RBM4: variants seen among roughly 807,000 people sequenced by gnomAD.
RBM4 encodes RNA binding motif protein 4.
RBM4 carries 7 observed loss-of-function variants against 29.5 expected under a neutral mutation model. The ratio of observed to expected loss-of-function variants is 0.24; its 90% CI spans 0.14 to 0.45. The LOEUF (loss-of-function observed/expected upper bound fraction) is 0.45. Ranked by LOEUF, RBM4 falls within the 20% of genes least tolerant of loss-of-function variation. The pLI is 1.00. For synonymous variants in RBM4, 220 were observed against 205.4 expected (o/e 1.07, Z -0.61); for missense variants, 387 against 502.3 (o/e 0.77, Z 2.19).
At chr11:66,663,387 T>C (rs558662753) in intron 2 of RBM4, among the ~76,000 whole-genome samples, 6 of 152,198 alleles carry the variant, frequency 3.9e-5, no homozygotes, top group Non-Finnish European at 8.8e-5. Context: ...TTTTTTGAGA[T>C]GGAGTCTCGC....
At chr11:66,664,347 G>A (rs777191307) in intron 2 of RBM4, among the ~76,000 whole-genome samples, 4 of 151,060 alleles carry the variant, frequency 2.6e-5, no homozygotes, top group Non-Finnish European at 4.4e-5. Context: ...ACAGGGTTTC[G>A]CCATGTTGGC....
At chr11:66,649,333 CTA>C (rs1170708292), downstream of RBM4, among the ~76,000 whole-genome samples, 1 of 152,180 alleles carries the variant, frequency 6.6e-6, no homozygotes, top group African/African-American at 2.4e-5. Flanking sequence ...AGGAAAAACT[CTA>C]TCAAGAACAA....
chr11:66,654,700 TA>T (rs1178783221), intron 2 of RBM4, among the ~76,000 whole-genome samples: 6 of 148,908 alleles, frequency 4.0e-5, no homozygotes, highest in Non-Finnish European at 9.0e-5. Context: ...TTTTTTTTTT[TA>T]GAGGCAAGGT....
intron 2 of RBM4, among the ~76,000 whole-genome samples, chr11:66,658,239 G>T (rs984189267): frequency 2.0e-5 from 3 of 147,972 alleles, no homozygotes; most frequent in Non-Finnish European, 4.4e-5. Context: ...TGGTGGTCAG[G>T]TTGGTTTTGA....
At chr11:66,668,271 T>C (rs2135232880) in exon 3 of RBM4, 1 of 198,400 alleles carries the variant, frequency 5.0e-6, no homozygotes, top group Non-Finnish European at 1.0e-5. Flanking sequence ...ATTTCAGTCT[T>C]ATCGTGTAGA....
At chr11:66,645,874 A>G (rs530550493) in intron 3 of RBM4, among the ~76,000 whole-genome samples, 153 bp from the exon 4 acceptor site, 3 of 152,294 alleles carry the variant, frequency 2.0e-5, no homozygotes, top group African/African-American at 7.2e-5. Flanking sequence ...AGCTCTTTTC[A>G]TTGTTAGAGA....
intron 2 of RBM4, chr11:66,652,502 G>T (rs892053616): frequency 6.6e-6 from 1 of 152,136 alleles, no homozygotes; most frequent in African/African-American, 2.4e-5. Flanking sequence ...GGGAAGGTGG[G>T]GCCAGGGGAC....
rs1938537017 is a variant in RBM4, at chr11:66,643,076, A to G, written c.413-374A>G. On this transcript the variant is annotated intron_variant, in intron 2 of 3. Coordinates refer to ENST00000310092, the MANE Select transcript of RBM4 (RefSeq NM_002896.4). This position sits in a 1 kb window ranked among gnomAD's most constrained non-coding sequence, Gnocchi z 6.1. ...TTGCTTAATGAAAATCCATCTTGCT[A>G]GTAAGGATTGGAGGTGTCAGAAAAG... Among the ~76,000 whole-genome samples, 1 of 152,168 alleles carries G rather than the reference A, an allele frequency of 6.6e-6. No homozygotes were observed. Among genetic ancestry groups the G allele is most frequent in the East Asian group, 1.9e-4 (1 of 5,196 alleles).
intron 2 of RBM4, among the ~76,000 whole-genome samples, chr11:66,659,478 A>G (rs1939031678): frequency 1.3e-5 from 2 of 151,240 alleles, no homozygotes; most frequent in South Asian, 2.1e-4. Flanking sequence ...ACGGGATTTC[A>G]CCATATTGGC....
intron 2 of RBM4, among the ~76,000 whole-genome samples, chr11:66,662,248 G>T (rs930241644): frequency 1.3e-5 from 2 of 151,990 alleles, no homozygotes; most frequent in African/African-American, 4.8e-5. Context: ...CACATTTCAG[G>T]TACTCAGTAA....
downstream of RBM4, chr11:66,649,807 G>A: frequency 2.9e-6 from 2 of 698,972 alleles, no homozygotes; most frequent in Non-Finnish European, 5.2e-6. Flanking sequence ...GAACTCCTGA[G>A]CTCAAGGGAT....
downstream of RBM4, chr11:66,649,616 T>C: frequency 1.6e-6 from 1 of 608,888 alleles, no homozygotes; most frequent in Non-Finnish European, 2.9e-6. Context: ...GTTGTTTTTA[T>C]GCTTCCAATC....
rs12804239 is a variant in RBM4 at position 66,657,553 on chromosome 11, C to T, written c.413-8303C>T. Among the ~76,000 whole-genome samples the T allele has an allele frequency of 2.3e-3, 349 of 151,782 alleles. 2 individuals carry two copies. The highest frequency in any genetic ancestry group is 3.7e-3 in the Non-Finnish European group (250 of 67,920). ...AAAATATTAGCCAGTTGTCGTGGTG[C>T]GCACCTGTAGTCCCAGCTACTTGGG... On this transcript the variant is annotated intron_variant, in intron 2 of 2. Coordinates refer to the RBM4 transcript ENST00000396053.
At chr11:66,646,492 T>A (rs1048326467), downstream of RBM4, 2 of 991,836 alleles carry the variant, frequency 2.0e-6, no homozygotes, top group African/African-American at 3.5e-5. Flanking sequence ...TTGCGAGACT[T>A]CTTGCTTGGG....
At chr11:66,639,377 A>G (rs1179327261) in intron 1 of RBM4, 3 of 301,786 alleles carry the variant, frequency 9.9e-6, no homozygotes, top group South Asian at 6.7e-5. Flanking sequence ...TTGTCCTCCT[A>G]GTGGATAGAA....
downstream of RBM4, among the ~76,000 whole-genome samples, chr11:66,650,524 T>C (rs1938802660): frequency 6.7e-6 from 1 of 150,290 alleles, no homozygotes; most frequent in Non-Finnish European, 1.5e-5. Flanking sequence ...TGAGCTGAGA[T>C]TGCGCCATTG....
In RBM4 at chr11:66,643,892, AGCTGCTGCTGCAGCAGCAGCC is replaced by A. The variant is rs760467887; in HGVS notation, c.866_886del (p.Ala289_Ala295del). On this transcript the variant is annotated inframe_deletion, in exon 3 of 4. Transcript: ENST00000310092. The surrounding 1 kb of genome is among the most constrained non-coding windows in gnomAD (Gnocchi z 6.1). Reference sequence around the variant, plus strand: ...TGCCGACCTCAGGAGCTGCTGCCACAGCTGCTGCTGCAGCAGCAGCCGCTGCTGCTGTTACTGCAGCTTCCA... The same window carrying A: ...TGCCGACCTCAGGAGCTGCTGCCACAGCTGCTGCTGTTACTGCAGCTTCCA... 1.3e-4 allele frequency: 206 copies of A among 1,612,828 alleles called. 1 individual carries two copies. The highest frequency in any genetic ancestry group is 5.6e-4 in the East Asian group (25 of 44,858).
intron 1 of RBM4, 88 bp from the exon 2 acceptor site, chr11:66,639,612 A>G: frequency 6.7e-7 from 1 of 1,487,576 alleles, no homozygotes; most frequent in Non-Finnish European, 9.1e-7. Flanking sequence ...AGAAAACTGG[A>G]AATATACATT....
chr11:66,646,474 T>A, downstream of RBM4: 1 of 997,814 alleles, frequency 1.0e-6, no homozygotes, highest in Non-Finnish European at 1.2e-6. Context: ...ACTTAGGGTA[T>A]GTGTGCTTTG....
Sources: allele counts gnomAD v4.1 joint callset (sites outside exome capture counted in the v4.1 genomes callset), GRCh38; gene constraint gnomAD v4.1.1; non-coding constraint Gnocchi (gnomAD v3.1); transcripts MANE v1.5; gene names NCBI Gene and HGNC (gene_info 2026-07-23, HGNC 2026-07-21).